The following COL8A1 variants were observed in gnomAD, a reference collection of about 807,000 sequenced individuals.
The protein encoded by COL8A1 is collagen type VIII alpha 1 chain.
COL8A1 carries 21 observed loss-of-function variants against 42.7 expected under a neutral mutation model. The ratio of observed to expected loss-of-function variants is 0.49; its 90% confidence interval spans 0.35 to 0.71. The LOEUF is 0.71. Ranked by LOEUF, COL8A1 falls within the 30% of genes least tolerant of loss-of-function variation. COL8A1 has a pLI of 0.01. For synonymous variants in COL8A1, 367 were observed against 369.1 expected, an observed-to-expected ratio of 0.99 and a Z score of 0.06; for missense variants, 788 against 962.4, an observed-to-expected ratio of 0.82 and a Z score of 2.40.
intron 1 of COL8A1, among the ~76,000 whole-genome samples, chr3:99,645,981 G>A (rs1193323415): frequency 6.6e-6 from 1 of 152,100 alleles, no homozygotes; most frequent in Non-Finnish European, 1.5e-5. Flanking sequence ...TAAGGGGAAG[G>A]GAGCTGGGAG....
intron 1 of COL8A1, among the ~76,000 whole-genome samples, chr3:99,665,976 C>T (rs921545680): frequency 7.9e-5 from 12 of 151,932 alleles, no homozygotes; most frequent in Non-Finnish European, 1.2e-4. Context: ...CAGGTGTGAG[C>T]CACCACGCCC....
chr3:99,684,971 A>G lies in COL8A1; in HGVS notation c.-129+46307A>G, dbSNP rs148910240. Among the ~76,000 whole-genome samples the G allele has an allele frequency of 1.3e-3, 203 of 152,328 alleles. 1 individual carries two copies. The highest frequency in any genetic ancestry group is 4.7e-3 in the African/African-American group (197 of 41,568). ...TTTTCTACCCACTTCCTCCAGTGAT[A>G]CTTAAAACTGAACTATGCTATTCAT... On this transcript the variant is annotated intron_variant, in intron 1 of 3. Transcript: ENST00000652472.
intron 2 of COL8A1, among the ~76,000 whole-genome samples, chr3:99,787,516 G>A (rs1306209614): frequency 6.6e-6 from 1 of 152,032 alleles, no homozygotes; most frequent in Non-Finnish European, 1.5e-5. Flanking sequence ...GTTTTGATTT[G>A]TCTTTCTGGT....
Position 99,798,640 on chromosome 3 carries a change from G to A in COL8A1, c.*2504G>A, listed in dbSNP as rs550388271. Reference sequence around the variant, plus strand: ...TATATGTGTGTGTGTGTGTGTGTGCGCGTGAGCGCACGTGTGTGTATGCGT... The same window carrying A: ...TATATGTGTGTGTGTGTGTGTGTGCACGTGAGCGCACGTGTGTGTATGCGT... On this transcript the variant is annotated 3_prime_UTR_variant, in exon 4 of 4. Coordinates refer to ENST00000652472, the MANE Select transcript of COL8A1 (RefSeq NM_020351.4). 7 of 151,726 alleles carry A rather than the reference G, an allele frequency of 4.6e-5. No homozygotes were observed. Among genetic ancestry groups the A allele is most frequent in the Admixed American group, 1.3e-4 (2 of 15,238 alleles). 9.4% of individuals were successfully genotyped at this position (151,726 alleles called of 1,614,324 possible).
chr3:99,735,971 T>C (rs1311610577), intron 1 of COL8A1, among the ~76,000 whole-genome samples: 1 of 152,004 alleles, frequency 6.6e-6, no homozygotes, highest in Non-Finnish European at 1.5e-5. Context: ...GATGGTAGTT[T>C]GTATTTCTGT....
At chr3:99,759,987 A>G (rs906175693) in intron 2 of COL8A1, among the ~76,000 whole-genome samples, 7 of 152,116 alleles carry the variant, frequency 4.6e-5, no homozygotes, top group African/African-American at 1.2e-4. Context: ...TCTTCTTTAT[A>G]TATGTTTTTG....
intron 2 of COL8A1, among the ~76,000 whole-genome samples, chr3:99,756,750 A>G (rs1363254083): frequency 6.6e-6 from 1 of 152,190 alleles, no homozygotes; most frequent in Non-Finnish European, 1.5e-5. Flanking sequence ...GGACAGTACC[A>G]TCACGTCACC....
At chr3:99,674,808 A>C (rs1160126094) in intron 1 of COL8A1, among the ~76,000 whole-genome samples, 3 of 152,040 alleles carry the variant, frequency 2.0e-5, no homozygotes, top group Non-Finnish European at 2.9e-5. Context: ...AATGCTACAG[A>C]GACTTATTTA....
intron 1 of COL8A1, among the ~76,000 whole-genome samples, chr3:99,731,982 C>T (rs1304143508): frequency 1.3e-5 from 2 of 152,036 alleles, no homozygotes; most frequent in African/African-American, 4.8e-5. Flanking sequence ...TGAGAGACAG[C>T]AAGGCTTGTT....
At chr3:99,709,487 G>A (rs542769123) in intron 1 of COL8A1, among the ~76,000 whole-genome samples, 1 of 152,180 alleles carries the variant, frequency 6.6e-6, no homozygotes, top group African/African-American at 2.4e-5. Context: ...GCTTACAGTT[G>A]GTGCTCAATA....
At chr3:99,687,207 T>C (rs1470805727) in intron 1 of COL8A1, among the ~76,000 whole-genome samples, 1 of 152,184 alleles carries the variant, frequency 6.6e-6, no homozygotes, top group African/African-American at 2.4e-5. Context: ...GACCAACCAA[T>C]GGTTTCCAGG....
intron 1 of COL8A1, among the ~76,000 whole-genome samples, chr3:99,665,259 C>T (rs957088451): frequency 6.6e-6 from 1 of 152,264 alleles, no homozygotes; most frequent in African/African-American, 2.4e-5. Flanking sequence ...ATAGAAAGTA[C>T]TCACCATCTC....
At chr3:99,756,150 G>A (rs1433839796) in intron 2 of COL8A1, among the ~76,000 whole-genome samples, 2 of 151,564 alleles carry the variant, frequency 1.3e-5, no homozygotes, top group African/African-American at 4.9e-5. Context: ...CTTTGAGCCT[G>A]AGCAACTAGA....
intron 2 of COL8A1, among the ~76,000 whole-genome samples, chr3:99,765,896 A>T (rs1452700305): frequency 6.6e-6 from 1 of 152,232 alleles, no homozygotes; most frequent in Admixed American, 6.5e-5. Context: ...ACTAAATACC[A>T]TTCAATGCAA....
At chr3:99,760,077 C>A (rs142945010) in intron 2 of COL8A1, among the ~76,000 whole-genome samples, 1 of 152,002 alleles carries the variant, frequency 6.6e-6, no homozygotes, top group East Asian at 1.9e-4. Context: ...AAATGTCAGA[C>A]AGTGAATATT....
intron 1 of COL8A1, among the ~76,000 whole-genome samples, chr3:99,736,127 A>G (rs893610775): frequency 6.6e-6 from 1 of 151,944 alleles, no homozygotes; most frequent in African/African-American, 2.4e-5. Context: ...AATTTTTTGA[A>G]GGGTTTTTTG....
At chr3:99,690,872 G>A (rs1576432355) in intron 1 of COL8A1, among the ~76,000 whole-genome samples, 1 of 152,124 alleles carries the variant, frequency 6.6e-6, no homozygotes, top group South Asian at 2.1e-4. Context: ...ACCTGCAAGG[G>A]GAATTCTAGA....
chr3:99,763,102 T>C (rs704571), intron 2 of COL8A1, among the ~76,000 whole-genome samples: 77,896 of 152,096 alleles, frequency 0.51, 20,192 homozygotes, highest in East Asian at 0.67. Context: ...AAGGATTATG[T>C]AACTTGCTCT....
At chr3:99,703,499 T>G (rs994534960) in intron 1 of COL8A1, 4 of 152,208 alleles carry the variant, frequency 2.6e-5, no homozygotes, top group African/African-American at 9.6e-5. Flanking sequence ...GTTGTCCTAA[T>G]AGGGAGAAGA....
Sources: gnomAD v4.1 joint callset for allele counts (sites outside exome capture counted in the v4.1 genomes callset) on GRCh38, gnomAD v4.1.1 for gene constraint, MANE v1.5 for transcripts, NCBI Gene and HGNC (gene_info 2026-07-23, HGNC 2026-07-21) for gene names.